The following DLG1 variants were observed in gnomAD, a reference collection of about 807,000 sequenced individuals.
DLG1 encodes the protein discs large MAGUK scaffold protein 1.
Under a neutral mutation model 123.4 loss-of-function variants are expected in DLG1, and 42 were observed. The observed-to-expected ratio is 0.34, with a 90% confidence interval of 0.27 to 0.44. The LOEUF is 0.44. Ranked by LOEUF, DLG1 falls within the 20% of genes least tolerant of loss-of-function variation. The probability of loss-of-function intolerance (pLI) is 1.00; values close to 1 mark genes in which losing one functional copy is unlikely to be tolerated. For missense variants in DLG1, 942 were observed against 1,082.6 expected (o/e 0.87, Z 1.82); for synonymous variants, 317 against 356.2 (o/e 0.89, Z 1.24).
intron 10 of DLG1, among the ~76,000 whole-genome samples, chr3:197,134,882 G>C (rs1784357620): frequency 6.6e-6 from 1 of 152,206 alleles, no homozygotes; most frequent in East Asian, 1.9e-4. Flanking sequence ...AAAAGCTTGG[G>C]ACAAATAACC....
intron 4 of DLG1, among the ~76,000 whole-genome samples, chr3:197,273,849 C>CAAAAAAAAAAAAAAAAAAA (rs58880007): frequency 1.8e-4 from 9 of 48,690 alleles, no homozygotes; most frequent in Non-Finnish European, 2.3e-4. Flanking sequence ...TAATAGCTAC[C>CAAAAAAAAAAAAAAAAAAA]AAAAAAAAAA....
chr3:197,207,822 T>A (rs193166482), intron 4 of DLG1, among the ~76,000 whole-genome samples: 2 of 143,494 alleles, frequency 1.4e-5, no homozygotes, highest in African/African-American at 4.9e-5. Context: ...AAAAATATCC[T>A]GAAGATTTTT....
At chr3:197,195,307 G>A (rs1448334856) in intron 4 of DLG1, among the ~76,000 whole-genome samples, 100 of 149,092 alleles carry the variant, frequency 6.7e-4, no homozygotes, top group Admixed American at 1.1e-3. Flanking sequence ...AAAAAAAAGC[G>A]AACATAAAGT....
chr3:197,054,405 G>T lies in DLG1; in HGVS notation c.2484-2737C>A, dbSNP rs1329391763. Among the ~76,000 whole-genome samples the T allele has an allele frequency of 2.0e-5, 3 of 151,168 alleles. No homozygotes were observed. The Admixed American group carries it at 2.0e-4, about 10-fold the overall frequency. Reference sequence around the variant, plus strand: ...TTGATGGTGTCTTATAGGTCCCTTAGGCTCTGTTCACTTTTCTTCAGTCAT... The same window carrying T: ...TTGATGGTGTCTTATAGGTCCCTTATGCTCTGTTCACTTTTCTTCAGTCAT... On this transcript the variant is annotated intron_variant, in intron 23 of 24. Transcript: ENST00000667157.
At chr3:197,133,628 A>G (rs1257900551) in intron 10 of DLG1, among the ~76,000 whole-genome samples, 2 of 152,350 alleles carry the variant, frequency 1.3e-5, no homozygotes, top group Admixed American at 6.5e-5. Context: ...ACCATCTACC[A>G]GAGTCGTCTT....
At chr3:197,045,130 A>G (rs1355900632) in intron 24 of DLG1, among the ~76,000 whole-genome samples, 3 of 150,866 alleles carry the variant, frequency 2.0e-5, no homozygotes, top group East Asian at 3.9e-4. Context: ...TTGGGGTAGG[A>G]TCTTGGGGGA....
At chr3:197,216,964 T>C (rs1452380035) in intron 4 of DLG1, among the ~76,000 whole-genome samples, 1 of 152,222 alleles carries the variant, frequency 6.6e-6, no homozygotes, top group Admixed American at 6.5e-5. Flanking sequence ...CGAATTTAAT[T>C]GTAGAAGTAA....
intron 5 of DLG1, among the ~76,000 whole-genome samples, chr3:197,158,495 G>A (rs550751013): frequency 4.6e-5 from 7 of 150,892 alleles, no homozygotes; most frequent in Admixed American, 1.3e-4. Context: ...TTAGCCGGGC[G>A]TGGTGGCACA....
intron 4 of DLG1, among the ~76,000 whole-genome samples, chr3:197,246,239 T>C (rs377393590): frequency 2.6e-5 from 4 of 152,144 alleles, no homozygotes; most frequent in African/African-American, 9.7e-5. Flanking sequence ...CATCTATGAA[T>C]AGCTGTTGTC....
At chr3:197,291,881 GTTA>G (rs942090210) in intron 3 of DLG1, among the ~76,000 whole-genome samples, 1 of 152,124 alleles carries the variant, frequency 6.6e-6, no homozygotes, top group African/African-American at 2.4e-5. Context: ...ATAAATGTTG[GTTA>G]TTATGTTTTA....
At chr3:197,083,189 C>T (rs1283207826) in intron 16 of DLG1, among the ~76,000 whole-genome samples, 2 of 151,932 alleles carry the variant, frequency 1.3e-5, no homozygotes, top group Non-Finnish European at 2.9e-5. Flanking sequence ...AGTTATAAGC[C>T]CGAAAATCAT....
chr3:197,232,605 G>A (rs917639376), intron 4 of DLG1, among the ~76,000 whole-genome samples: 1 of 151,966 alleles, frequency 6.6e-6, no homozygotes, highest in South Asian at 2.1e-4. Flanking sequence ...TTCATCAGAA[G>A]CAAATGAACT....
chr3:197,117,873 T>C (rs771650023), intron 12 of DLG1, among the ~76,000 whole-genome samples: 1 of 152,186 alleles, frequency 6.6e-6, no homozygotes. Flanking sequence ...ATACCACAAA[T>C]TGTATACTTT....
At chr3:197,139,272 T>C (rs1010595712) in intron 8 of DLG1, among the ~76,000 whole-genome samples, 2 of 152,150 alleles carry the variant, frequency 1.3e-5, no homozygotes, top group Non-Finnish European at 2.9e-5. Context: ...CTGACAAGCT[T>C]CTATATCTAA....
At chr3:197,286,257 G>T (rs944508652) in intron 3 of DLG1, among the ~76,000 whole-genome samples, 1 of 152,118 alleles carries the variant, frequency 6.6e-6, no homozygotes, top group African/African-American at 2.4e-5. Context: ...AGAGCACACA[G>T]GATTTTTAGG....
At chr3:197,270,701 T>A (rs1195742738) in intron 4 of DLG1, among the ~76,000 whole-genome samples, 2 of 152,164 alleles carry the variant, frequency 1.3e-5, no homozygotes, top group African/African-American at 4.8e-5. Flanking sequence ...AAAACGTACC[T>A]TTCCCGTGGA....
intron 5 of DLG1, chr3:197,194,224 C>T (rs1289093559): frequency 6.1e-6 from 2 of 328,420 alleles, no homozygotes; most frequent in East Asian, 4.8e-5. Context: ...CACTGACTAA[C>T]ATTCATTTAT....
rs1716782995 is a variant in DLG1, at chr3:197,187,497, T to C, written c.483+6928A>G. Among the ~76,000 whole-genome samples the C allele has an allele frequency of 3.9e-5, 6 of 152,340 alleles. No homozygotes were observed. The South Asian group carries it at 1.0e-3, about 26-fold the overall frequency. ...CTTATTTAGCACAATTATCTGCTCA[T>C]TGACCCTGTTTTTTCTGTTTGATTT... On this transcript the variant is annotated intron_variant, in intron 5 of 24. Coordinates refer to ENST00000667157, the MANE Select transcript of DLG1 (RefSeq NM_001366207.1).
rs76867080 is a variant in DLG1, at chr3:197,081,706, A to G, written c.1839-589T>C. Among the ~76,000 whole-genome samples the G allele has an allele frequency of 4.1e-3, 621 of 152,312 alleles. 10 individuals carry two copies. The East Asian group carries it at 0.063, about 16-fold the overall frequency. Reference sequence around the variant, plus strand: ...TTACAGTTATTGAAGTAAGAGTTTTAAAGTATTTTTGGAAGGATACATAAG... The same window carrying G: ...TTACAGTTATTGAAGTAAGAGTTTTGAAGTATTTTTGGAAGGATACATAAG... On this transcript the variant is annotated intron_variant, in intron 16 of 24. Coordinates refer to ENST00000667157, the MANE Select transcript of DLG1 (RefSeq NM_001366207.1).
Sources: gnomAD v4.1 joint callset for allele counts (sites outside exome capture counted in the v4.1 genomes callset) on GRCh38, gnomAD v4.1.1 for gene constraint, MANE v1.5 for transcripts, NCBI Gene and HGNC (gene_info 2026-07-23, HGNC 2026-07-21) for gene names.